LTA: variants seen among roughly 807,000 people sequenced by gnomAD.
LTA encodes lymphotoxin-alpha.
A neutral mutation model predicts 15.1 loss-of-function variants in LTA; 6 were observed. That is an observed-to-expected ratio of 0.40 (90% CI 0.22 to 0.78). LTA has a LOEUF of 0.78. Among genes scored for constraint, LTA ranks in the 30% least tolerant of loss-of-function variants. The pLI, the probability that LTA is intolerant of heterozygous loss-of-function variation, is 0.38. For synonymous variants in LTA, 87 were observed against 107.3 expected (o/e 0.81, Z 1.17); for missense variants, 173 against 249.5 (o/e 0.69, Z 2.06).
chr6:31,570,126 G>A (rs1375706419), upstream of LTA, among the ~76,000 whole-genome samples: 3 of 152,166 alleles, frequency 2.0e-5, no homozygotes. Flanking sequence ...AATGTATTAT[G>A]CTTTTCTCTT....
chr6:31,573,195 G>C (rs757739527), intron 3 of LTA, 86 bp from the exon 4 acceptor site: 1 of 1,403,440 alleles, frequency 7.1e-7, no homozygotes, highest in Non-Finnish European at 9.8e-7. Context: ...CAGGAACTCA[G>C]TTGTTCAGTG....
At chr6:31,569,620 C>G (rs1030602180), upstream of LTA, among the ~76,000 whole-genome samples, 1 of 152,048 alleles carries the variant, frequency 6.6e-6, no homozygotes, top group Non-Finnish European at 1.5e-5. Context: ...TGGTGAGACC[C>G]CGTCTCTACT....
upstream of LTA, among the ~76,000 whole-genome samples, chr6:31,567,689 C>T (rs547088529): frequency 1.3e-3 from 171 of 131,976 alleles, no homozygotes; most frequent in Admixed American, 3.0e-3. Context: ...CACGCATGCA[C>T]GCACCACACA....
rs1374503617 is a variant in LTA, at chr6:31,573,711, A to G, written c.*18A>G. The G allele has an allele frequency of 2.5e-6, 4 of 1,613,274 alleles. No homozygotes were observed. In the East Asian group the frequency reaches 8.9e-5, roughly 36 times the overall value. ...CTCTGTAGAACTTGGAAAAATCCAG[A>G]AAGAAAAAATAATTGATTTCAAGAC... is the stretch of plus-strand genomic sequence containing the variant. On this transcript the variant is annotated 3_prime_UTR_variant, in exon 4 of 4. Transcript: ENST00000418386.
chr6:31,564,369 T>G, the LTA span, among the ~76,000 whole-genome samples: 1 of 152,080 alleles, frequency 6.6e-6, no homozygotes, highest in Non-Finnish European at 1.5e-5. Context: ...AAGATCCGCC[T>G]CCCGGGTTAA....
At chr6:31,569,044 TTG>T (rs560420640), upstream of LTA, among the ~76,000 whole-genome samples, 305 of 152,260 alleles carry the variant, frequency 2.0e-3, 3 homozygotes, top group African/African-American at 7.2e-3. Context: ...GAGTCTCACT[TTG>T]TTGCCCAGGC....
the LTA span, among the ~76,000 whole-genome samples, chr6:31,566,369 G>A: frequency 6.6e-6 from 1 of 152,166 alleles, no homozygotes; most frequent in East Asian, 1.9e-4. Context: ...CAGGCCGGGT[G>A]CAGTGGCACA....
chr6:31,574,186 A>G lies in LTA; in HGVS notation c.*493A>G, dbSNP rs992392814. ...AGAGGGCATGCGCACAAGGCTGACC[A>G]AGAGAGAAAGAAGTAGGCATGAGGG... On this transcript the variant is annotated 3_prime_UTR_variant, in exon 4 of 4. Coordinates refer to ENST00000418386, the MANE Select transcript of LTA (RefSeq NM_000595.4). 1 of 240,272 alleles carries G rather than the reference A, an allele frequency of 4.2e-6. No homozygotes were observed. The highest frequency in any genetic ancestry group is 2.3e-5 in the African/African-American group (1 of 42,808). 14.9% of individuals were successfully genotyped at this position (240,272 alleles called of 1,614,324 possible).
At chr6:31,564,843 G>T in the LTA span, among the ~76,000 whole-genome samples, 1 of 152,138 alleles carries the variant, frequency 6.6e-6, no homozygotes, top group Non-Finnish European at 1.5e-5. Context: ...GAGCCCAGGA[G>T]GTCGAGGCTG....
chr6:31,573,845 A>G lies in LTA; in HGVS notation c.*152A>G. 4.3e-6 allele frequency: 4 copies of G among 923,778 alleles called. No individual in the cohort carries two copies. Among genetic ancestry groups the G allele is most frequent in the Non-Finnish European group, 6.8e-6 (4 of 584,390 alleles). The allele number at this position is 923,778 out of a possible 1,614,324, so 57.2% of individuals were successfully genotyped here. A position where few individuals can be genotyped will look rare whatever the true frequency, so the allele number is the denominator to read the frequency against. Reference sequence around the variant, plus strand: ...CCTGATCAAGTCACCGGAGCTTTCAAAGAAGGAATTCTAGGCATCCCAGGG... The same window carrying G: ...CCTGATCAAGTCACCGGAGCTTTCAGAGAAGGAATTCTAGGCATCCCAGGG... On this transcript the variant is annotated 3_prime_UTR_variant, in exon 4 of 4. Coordinates refer to ENST00000418386, the MANE Select transcript of LTA (RefSeq NM_000595.4).
chr6:31,573,741 T>TG lies in LTA; in HGVS notation c.*48_*49insG, dbSNP rs1770995686. On this transcript the variant is annotated 3_prime_UTR_variant, in exon 4 of 4. Transcript: ENST00000418386. ...AAAAATAATTGATTTCAAGACCTTC[T>TG]CCCCATTCTGCCTCCATTCTGACCA... The TG allele has an allele frequency of 1.2e-6, 2 of 1,604,704 alleles. No individual in the cohort carries two copies. Among genetic ancestry groups the TG allele is most frequent in the Admixed American group, 1.7e-5 (1 of 59,956 alleles).
Position 31,572,431 on chromosome 6 carries a change from C to G in LTA, c.-25C>G, listed in dbSNP as rs1256228932. ...CCTGCTGCCTGGATCCCCGGCCTGC[C>G]TGGGCCTGGGCCTTGGTGGGTTTGG... On this transcript the variant is annotated 5_prime_UTR_variant, in exon 1 of 4. Transcript: ENST00000418386. The G allele has an allele frequency of 2.0e-6, 1 of 510,630 alleles. No individual in the cohort carries two copies. The highest frequency in any genetic ancestry group is 1.9e-5 in the African/African-American group (1 of 51,906). 31.6% of individuals were successfully genotyped at this position (510,630 alleles called of 1,614,324 possible).
Position 31,572,374 on chromosome 6 carries a change from T to G in LTA, c.-82T>G, listed in dbSNP as rs1354668372. 1.5e-5 allele frequency: 6 copies of G among 410,284 alleles called. No individual in the cohort carries two copies. Among genetic ancestry groups the G allele is most frequent in the Non-Finnish European group, 2.7e-5 (6 of 225,852 alleles). 25.4% of individuals were successfully genotyped at this position (410,284 alleles called of 1,614,324 possible). A position where few individuals can be genotyped will look rare whatever the true frequency, so the allele number is the denominator to read the frequency against. ...TTTGGACTACCGCCCAGCAGTGTCC[T>G]GCCCTCTGCCTGGGCCTCGGTCCCT... On this transcript the variant is annotated 5_prime_UTR_variant, in exon 1 of 4. Transcript: ENST00000418386.
chr6:31,567,685 T>TGCAC (rs1399955600), upstream of LTA, among the ~76,000 whole-genome samples: 2 of 23,652 alleles, frequency 8.5e-5, no homozygotes, highest in Non-Finnish European at 8.2e-5. Context: ...CACGCACGCA[T>TGCAC]GCACGCACCA....
intron 2 of LTA, 29 bp from the exon 3 acceptor site, chr6:31,572,899 G>C: frequency 6.2e-7 from 1 of 1,610,800 alleles, no homozygotes; most frequent in East Asian, 2.2e-5. Flanking sequence ...TTGAGCCCTA[G>C]AGCCCCCCTC....
upstream of LTA, among the ~76,000 whole-genome samples, chr6:31,571,762 C>T (rs370503992): frequency 5.3e-5 from 8 of 152,262 alleles, no homozygotes; most frequent in African/African-American, 9.6e-5. Flanking sequence ...AGAATGTCCC[C>T]GATGAAGGGG....
At chr6:31,563,438 T>G in the LTA span, among the ~76,000 whole-genome samples, 97,711 of 151,936 alleles carry the variant, frequency 0.64, 31,778 homozygotes, top group African/African-American at 0.74. Flanking sequence ...TCACGCACAG[T>G]AGTATAATGG....
upstream of LTA, among the ~76,000 whole-genome samples, chr6:31,567,105 G>A (rs576344399): frequency 4.6e-5 from 7 of 151,840 alleles, no homozygotes; most frequent in South Asian, 8.3e-4. Flanking sequence ...AGATCAGCCT[G>A]ACTAACATGG....
the LTA span, among the ~76,000 whole-genome samples, chr6:31,564,449 T>C: frequency 2.0e-5 from 3 of 151,836 alleles, no homozygotes; most frequent in East Asian, 5.8e-4. Context: ...CCAGCTAATT[T>C]TGTTTTTGTA....
Sources: gnomAD v4.1 joint callset for allele counts (sites outside exome capture counted in the v4.1 genomes callset) on GRCh38, gnomAD v4.1.1 for gene constraint, MANE v1.5 for transcripts, NCBI Gene and HGNC (gene_info 2026-07-23, HGNC 2026-07-21) for gene names.